The following CFAP54 variants were observed in gnomAD, a reference collection of about 807,000 sequenced individuals.
CFAP54 encodes the protein cilia and flagella associated protein 54.
In CFAP54, 290 loss-of-function variants were observed where a neutral mutation model predicts 370.4. That is an observed-to-expected ratio of 0.78 (90% CI 0.71 to 0.86). CFAP54 has a LOEUF of 0.86. CFAP54 is among the 40% of genes least tolerant of loss of function. The pLI, the probability that CFAP54 is intolerant of heterozygous loss-of-function variation, is 0.00. For synonymous variants in CFAP54, 1,206 were observed against 1,236.5 expected (o/e 0.98, Z 0.52); for missense variants, 3,399 against 3,528.7 (o/e 0.96, Z 0.93).
chr12:96,840,630 T>C (rs934920676), intron 66 of CFAP54, among the ~76,000 whole-genome samples: 172 of 150,424 alleles, frequency 1.1e-3, no homozygotes, highest in Non-Finnish European at 2.1e-3. Flanking sequence ...TTCTTTCTTT[T>C]TTTTTTTTTT....
At chr12:96,788,601 C>G (rs1322785339) in intron 62 of CFAP54, among the ~76,000 whole-genome samples, 1 of 152,068 alleles carries the variant, frequency 6.6e-6, no homozygotes, top group African/African-American at 2.4e-5. Flanking sequence ...GAATGGTGAC[C>G]CTTGCTTATC....
intron 36 of CFAP54, among the ~76,000 whole-genome samples, chr12:96,652,784 A>T (rs1299701401): frequency 6.6e-6 from 1 of 152,196 alleles, no homozygotes; most frequent in Non-Finnish European, 1.5e-5. Context: ...GTAGATTGAA[A>T]ATAAAAATAT....
chr12:96,713,558 G>T (rs1002723314), intron 48 of CFAP54, among the ~76,000 whole-genome samples: 1 of 152,108 alleles, frequency 6.6e-6, no homozygotes. Flanking sequence ...GAATATAACA[G>T]TGAAAATAAA....
chr12:96,868,897 G>A (rs1173494474), intron 67 of CFAP54, among the ~76,000 whole-genome samples: 2 of 152,100 alleles, frequency 1.3e-5, no homozygotes, highest in African/African-American at 2.4e-5. Context: ...AGGGAAAAAC[G>A]GACTACATAC....
chr12:96,684,031 A>G (rs1239452541), intron 40 of CFAP54, among the ~76,000 whole-genome samples: 8 of 152,286 alleles, frequency 5.3e-5, no homozygotes, highest in Admixed American at 3.9e-4. Context: ...ACCTCAGGTG[A>G]TCTGCCCGGT....
chr12:96,555,034 T>C (rs1240057635), intron 17 of CFAP54: 1 of 316,846 alleles, frequency 3.2e-6, no homozygotes, highest in Non-Finnish European at 5.6e-6. Context: ...TAATTATGTT[T>C]ATTTGTGTTA....
chr12:96,714,875 G>A (rs763867793), intron 48 of CFAP54, among the ~76,000 whole-genome samples: 5 of 152,082 alleles, frequency 3.3e-5, no homozygotes, highest in Non-Finnish European at 7.4e-5. Context: ...GGTGTGGAGT[G>A]AGGAGATATC....
At chr12:96,637,822 A>G (rs1433176316) in intron 32 of CFAP54, among the ~76,000 whole-genome samples, 3 of 152,244 alleles carry the variant, frequency 2.0e-5, no homozygotes, top group Admixed American at 2.0e-4. Context: ...CTGCATGTAC[A>G]ACGGTGGTCC....
chr12:96,554,452 G>C, intron 16 of CFAP54, 142 bp downstream of exon 16: 1 of 1,178,128 alleles, frequency 8.5e-7, no homozygotes, highest in East Asian at 2.7e-5. Flanking sequence ...TCCCAGAAGA[G>C]AGCTAGGAGA....
chr12:96,706,820 G>C (rs550633860), intron 47 of CFAP54, among the ~76,000 whole-genome samples: 2 of 151,954 alleles, frequency 1.3e-5, no homozygotes, highest in Non-Finnish European at 2.9e-5. Context: ...GTGTGCGCAC[G>C]TGTGTGTGTG....
chr12:96,734,059 G>GTTA (rs892732638), intron 50 of CFAP54, among the ~76,000 whole-genome samples: 5 of 151,984 alleles, frequency 3.3e-5, no homozygotes, highest in African/African-American at 1.2e-4. Context: ...GTTTGTTGTT[G>GTTA]TTGTTATTTT....
At chr12:96,503,158 C>A (rs1489577976) in intron 2 of CFAP54, among the ~76,000 whole-genome samples, 3 of 148,654 alleles carry the variant, frequency 2.0e-5, no homozygotes, top group Non-Finnish European at 4.5e-5. Flanking sequence ...TCTTTCCCTC[C>A]CTCCCTTTAT....
intron 66 of CFAP54, among the ~76,000 whole-genome samples, chr12:96,848,275 A>G (rs1959416379): frequency 6.6e-6 from 1 of 152,154 alleles, no homozygotes; most frequent in South Asian, 2.1e-4. Flanking sequence ...CGGTTTCACC[A>G]TGTTGGCCAG....
chr12:96,522,938 G>C (rs1955336672), intron 8 of CFAP54, among the ~76,000 whole-genome samples: 1 of 152,212 alleles, frequency 6.6e-6, no homozygotes, highest in African/African-American at 2.4e-5. Flanking sequence ...CAGTAGTAAA[G>C]ATGATCACAG....
At chr12:96,585,041 T>C (rs879635717) in intron 22 of CFAP54, among the ~76,000 whole-genome samples, 15 of 8,296 alleles carry the variant, frequency 1.8e-3, no homozygotes, top group Admixed American at 4.8e-3. Context: ...CTCTCTCTCT[T>C]TTTTTTTTTT....
chr12:96,553,785 A>C (rs1408471204), intron 15 of CFAP54, among the ~76,000 whole-genome samples: 2 of 151,894 alleles, frequency 1.3e-5, no homozygotes, highest in African/African-American at 4.8e-5. Context: ...CTAAATTTCT[A>C]GTCTGAGATT....
intron 38 of CFAP54, among the ~76,000 whole-genome samples, chr12:96,660,920 C>T (rs911422314): frequency 1.2e-4 from 18 of 151,916 alleles, no homozygotes; most frequent in African/African-American, 3.6e-4. Context: ...TGCTTACATT[C>T]GCCAGTTTAT....
chr12:96,657,814 A>G, intron 36 of CFAP54, 68 bp from the exon 37 acceptor site: 1 of 1,088,490 alleles, frequency 9.2e-7, no homozygotes, highest in East Asian at 2.4e-5. Context: ...TATTACATTC[A>G]GTTTTCAGAA....
intron 32 of CFAP54, among the ~76,000 whole-genome samples, chr12:96,641,845 G>A (rs140129573): frequency 1.5e-4 from 23 of 150,588 alleles, no homozygotes; most frequent in Admixed American, 2.0e-4. Flanking sequence ...ACCAAACATC[G>A]CATGTTCTCA....
Sources: allele counts gnomAD v4.1 joint callset (sites outside exome capture counted in the v4.1 genomes callset), GRCh38; gene constraint gnomAD v4.1.1; transcripts MANE v1.5; gene names NCBI Gene and HGNC (gene_info 2026-07-23, HGNC 2026-07-21).